GPM6A: variants seen among roughly 807,000 people sequenced by gnomAD.
GPM6A encodes glycoprotein M6A.
GPM6A carries 7 observed loss-of-function variants against 32.1 expected under a neutral mutation model. That is an observed-to-expected ratio of 0.22 (90% CI 0.12 to 0.41). The LOEUF is 0.41. Ranked by LOEUF, GPM6A falls within the 10% of genes least tolerant of loss-of-function variation. The probability of loss-of-function intolerance (pLI) is 1.00; values close to 1 mark genes in which losing one functional copy is unlikely to be tolerated. For synonymous variants in GPM6A, 130 were observed against 123.4 expected (o/e 1.05, Z -0.35); for missense variants, 235 against 347.2 (o/e 0.68, Z 2.57).
intron 1 of GPM6A, among the ~76,000 whole-genome samples, chr4:175,762,090 G>T (rs1009630059): frequency 6.6e-6 from 1 of 152,060 alleles, no homozygotes; most frequent in Non-Finnish European, 1.5e-5. Flanking sequence ...CACTGCACTG[G>T]GCCATAATAA....
At chr4:175,783,117 C>T (rs1268309906) in intron 1 of GPM6A, among the ~76,000 whole-genome samples, 3 of 151,844 alleles carry the variant, frequency 2.0e-5, no homozygotes, top group Non-Finnish European at 4.4e-5. Flanking sequence ...TTTGAATTAA[C>T]TTTTTTAAAA....
At chr4:175,681,395 A>T (rs73020121) in intron 2 of GPM6A, among the ~76,000 whole-genome samples, 122 of 152,204 alleles carry the variant, frequency 8.0e-4, no homozygotes, top group African/African-American at 2.5e-3. Flanking sequence ...TCTTTTTATG[A>T]ATTGTCTATT....
chr4:175,728,997 G>A (rs1490425385), intron 1 of GPM6A, among the ~76,000 whole-genome samples: 3 of 152,180 alleles, frequency 2.0e-5, no homozygotes, highest in Non-Finnish European at 4.4e-5. Flanking sequence ...TGGTTCCCCA[G>A]GTGGATGTGG....
intron 1 of GPM6A, among the ~76,000 whole-genome samples, chr4:175,901,114 C>T (rs1292793704): frequency 6.7e-6 from 1 of 148,158 alleles, no homozygotes. Flanking sequence ...AGAATGGTTA[C>T]CAGAGGCTGG....
intron 1 of GPM6A, among the ~76,000 whole-genome samples, chr4:175,886,660 T>C (rs1378093021): frequency 6.6e-6 from 1 of 151,154 alleles, no homozygotes; most frequent in African/African-American, 2.4e-5. Flanking sequence ...GTTAAAAACA[T>C]TTGATCAACG....
intron 1 of GPM6A, among the ~76,000 whole-genome samples, chr4:175,956,655 C>A (rs543010632): frequency 6.6e-6 from 1 of 152,104 alleles, no homozygotes; most frequent in South Asian, 2.1e-4. Flanking sequence ...TCAATTGATT[C>A]AGCTCAATTG....
chr4:175,662,635 T>A (rs1345421554), intron 3 of GPM6A, among the ~76,000 whole-genome samples: 1 of 151,868 alleles, frequency 6.6e-6, no homozygotes, highest in East Asian at 1.9e-4. Flanking sequence ...AAAAAACACA[T>A]TTAGCAGGTA....
intron 1 of GPM6A, among the ~76,000 whole-genome samples, chr4:175,855,829 T>C (rs1032315684): frequency 5.3e-5 from 8 of 152,204 alleles, no homozygotes; most frequent in African/African-American, 1.9e-4. Flanking sequence ...TATGTACATA[T>C]TATAGGTTAA....
intron 1 of GPM6A, among the ~76,000 whole-genome samples, chr4:175,979,441 A>G (rs1740759254): frequency 6.6e-6 from 1 of 152,210 alleles, no homozygotes; most frequent in African/African-American, 2.4e-5. Context: ...TTATATGCAT[A>G]TGCCAAGTGT....
intron 1 of GPM6A, among the ~76,000 whole-genome samples, chr4:176,001,849 G>T (rs1399197356): frequency 6.6e-6 from 1 of 152,168 alleles, no homozygotes. Flanking sequence ...TCCATTTCTC[G>T]TGCCCCGTTT....
At chr4:175,936,223 G>T (rs186776856) in intron 1 of GPM6A, among the ~76,000 whole-genome samples, 1 of 140,528 alleles carries the variant, frequency 7.1e-6, no homozygotes, top group African/African-American at 2.7e-5. Context: ...GGAGAATGGC[G>T]TAAACCCGGG....
At chr4:175,695,707 G>T (rs1744540520) in intron 2 of GPM6A, among the ~76,000 whole-genome samples, 1 of 152,070 alleles carries the variant, frequency 6.6e-6, no homozygotes, top group Non-Finnish European at 1.5e-5. Context: ...TTGGATTTTT[G>T]AATTAATACT....
intron 1 of GPM6A, among the ~76,000 whole-genome samples, chr4:175,922,595 T>C (rs17668541): frequency 0.43 from 65,200 of 152,024 alleles, 17,140 homozygotes; most frequent in East Asian, 0.63. Context: ...TGAAAACTTT[T>C]CCAAGGTGGT....
intron 1 of GPM6A, among the ~76,000 whole-genome samples, chr4:175,901,839 G>A (rs943678958): frequency 6.6e-6 from 1 of 151,764 alleles, no homozygotes; most frequent in Non-Finnish European, 1.5e-5. Flanking sequence ...TGTTGGCCAG[G>A]CTAGTCTTGA....
intron 1 of GPM6A, among the ~76,000 whole-genome samples, chr4:175,928,343 T>A (rs181988821): frequency 6.6e-6 from 1 of 152,316 alleles, no homozygotes; most frequent in African/African-American, 2.4e-5. Flanking sequence ...AAATTTCCTA[T>A]GTGGGAAAAG....
intron 1 of GPM6A, among the ~76,000 whole-genome samples, chr4:175,949,070 A>G (rs73873509): frequency 0.06 from 9,097 of 151,982 alleles, 861 homozygotes; most frequent in African/African-American, 0.2. Context: ...CCATGCAACT[A>G]AGAAATCAAA....
intron 1 of GPM6A, among the ~76,000 whole-genome samples, chr4:175,735,109 C>T (rs571908343): frequency 1.1e-4 from 16 of 152,308 alleles, no homozygotes; most frequent in South Asian, 2.1e-4. Flanking sequence ...AAAGTACATC[C>T]TTCTTGAGTT....
At chr4:175,746,312 A>T (rs1399118893) in intron 1 of GPM6A, among the ~76,000 whole-genome samples, 1 of 152,162 alleles carries the variant, frequency 6.6e-6, no homozygotes, top group Non-Finnish European at 1.5e-5. Flanking sequence ...CCTCTTGACT[A>T]GGAGTTTTGT....
intron 1 of GPM6A, among the ~76,000 whole-genome samples, chr4:175,825,130 A>T (rs1370324520): frequency 6.6e-6 from 1 of 152,230 alleles, no homozygotes; most frequent in African/African-American, 2.4e-5. Flanking sequence ...ATATAAATTG[A>T]ATTGTAAATT....
Sources: allele counts gnomAD v4.1 joint callset (sites outside exome capture counted in the v4.1 genomes callset), GRCh38; gene constraint gnomAD v4.1.1; transcripts MANE v1.5; gene names NCBI Gene and HGNC (gene_info 2026-07-23, HGNC 2026-07-21).